The following CAMTA1 variants were observed in gnomAD, a reference collection of about 807,000 sequenced individuals.
CAMTA1 encodes the protein calmodulin binding transcription activator 1.
In CAMTA1, 27 loss-of-function variants were observed where a neutral mutation model predicts 170.9. The observed-to-expected ratio is 0.16, with a 90% CI of 0.12 to 0.22. CAMTA1 has a LOEUF of 0.22. Among genes scored for constraint, CAMTA1 ranks in the 10% least tolerant of loss-of-function variants. The pLI is 1.00. For synonymous variants in CAMTA1, 833 were observed against 891.5 expected, an observed-to-expected ratio of 0.93 and a Z score of 1.17; for missense variants, 1,619 against 2,217.2, an observed-to-expected ratio of 0.73 and a Z score of 5.42.
chr1:7,410,063 A>G (rs1033795663), intron 5 of CAMTA1, among the ~76,000 whole-genome samples: 1 of 152,226 alleles, frequency 6.6e-6, no homozygotes, highest in African/African-American at 2.4e-5. Flanking sequence ...TCAAAGAGCA[A>G]AGGATGTGGC....
At chr1:7,587,298 C>T (rs1208904330) in intron 6 of CAMTA1, among the ~76,000 whole-genome samples, 1 of 151,970 alleles carries the variant, frequency 6.6e-6, no homozygotes, top group Non-Finnish European at 1.5e-5. Flanking sequence ...GACAGATACC[C>T]CCACCCTAGA....
chr1:7,321,996 G>C (rs921046905), intron 5 of CAMTA1, among the ~76,000 whole-genome samples: 5 of 152,182 alleles, frequency 3.3e-5, no homozygotes, highest in African/African-American at 1.2e-4. Flanking sequence ...CTGTTTTCTA[G>C]AGCAGGGGTT....
chr1:7,639,869 T>C (rs1315297140), intron 6 of CAMTA1, among the ~76,000 whole-genome samples: 1 of 152,070 alleles, frequency 6.6e-6, no homozygotes, highest in Non-Finnish European at 1.5e-5. Context: ...GGAGGAGCCT[T>C]AAGCCCTGGG....
chr1:6,882,361 G>T (rs1206214944), intron 3 of CAMTA1, among the ~76,000 whole-genome samples: 1 of 152,212 alleles, frequency 6.6e-6, no homozygotes, highest in African/African-American at 2.4e-5. Flanking sequence ...CCTGGTTTGG[G>T]ATAGAAGTAG....
chr1:7,465,684 G>A (rs1410561984), intron 5 of CAMTA1, among the ~76,000 whole-genome samples: 1 of 152,178 alleles, frequency 6.6e-6, no homozygotes, highest in Admixed American at 6.5e-5. Flanking sequence ...GGCCAGAGAG[G>A]TGTTAGGAGG....
At chr1:7,655,631 C>T (rs1322951586) in intron 7 of CAMTA1, among the ~76,000 whole-genome samples, 1 of 76,454 alleles carries the variant, frequency 1.3e-5, no homozygotes. Context: ...CCTATACACA[C>T]ACCTATACAC....
chr1:7,605,403 C>G (rs1376185429), intron 6 of CAMTA1, among the ~76,000 whole-genome samples: 1 of 152,246 alleles, frequency 6.6e-6, no homozygotes, highest in Non-Finnish European at 1.5e-5. Context: ...CTCCCCAAGC[C>G]TCGCTGCTGC....
At chr1:7,145,773 T>A (rs947342100) in intron 4 of CAMTA1, among the ~76,000 whole-genome samples, 3 of 152,226 alleles carry the variant, frequency 2.0e-5, no homozygotes, top group Non-Finnish European at 2.9e-5. Context: ...GCACAGTGCC[T>A]GTGGCTTCTA....
chr1:6,836,260 A>G (rs189609454), intron 3 of CAMTA1, among the ~76,000 whole-genome samples: 1 of 152,272 alleles, frequency 6.6e-6, no homozygotes. Context: ...GCAAGTGAAG[A>G]AACAACAAAA....
chr1:7,249,743 G>T lies in CAMTA1; in HGVS notation c.438+117G>T. The T allele has an allele frequency of 8.1e-7, 1 of 1,230,458 alleles. No individual in the cohort carries two copies. Among genetic ancestry groups the T allele is most frequent in the Non-Finnish European group, 1.1e-6 (1 of 900,764 alleles). The allele number at this position is 1,230,458 out of a possible 1,614,324, so 76.2% of individuals were successfully genotyped here. ...ACCTCTGTCCAAAGAATTTTTGTTT[G>T]CCAAGACCCTGGTTTTTGCTTTTGT... On this transcript the variant is annotated intron_variant, in intron 5 of 22. Coordinates refer to ENST00000303635, the MANE Select transcript of CAMTA1 (RefSeq NM_015215.4). This position sits in a 1 kb window ranked among gnomAD's most constrained non-coding sequence, Gnocchi z 4.4.
chr1:7,622,939 C>G lies in CAMTA1; in HGVS notation c.511-17461C>G, dbSNP rs555156292. Among the ~76,000 whole-genome samples the G allele has an allele frequency of 4.6e-5, 7 of 152,342 alleles. 1 individual carries two copies. In the East Asian group the frequency reaches 1.4e-3, roughly 29 times the overall value. On this transcript the variant is annotated intron_variant, in intron 6 of 22. Coordinates refer to ENST00000303635, the MANE Select transcript of CAMTA1 (RefSeq NM_015215.4). ...CTGAATGCTCCCTGTGAGCCCGAGT[C>G]TGTCCTGAGGTCTTCGTCCCTATTC...
intron 3 of CAMTA1, among the ~76,000 whole-genome samples, chr1:6,960,885 GCCTTTATAACC>G (rs1038299785): frequency 2.0e-5 from 3 of 152,204 alleles, no homozygotes; most frequent in African/African-American, 7.2e-5. Context: ...AAAGGATTTA[GCCTTTATAACC>G]CCATGACATC....
chr1:7,726,697 C>T (rs1323641060), intron 11 of CAMTA1, among the ~76,000 whole-genome samples: 6 of 152,168 alleles, frequency 3.9e-5, no homozygotes, highest in East Asian at 1.9e-4. Flanking sequence ...AGAGTTCACT[C>T]GCTGCAGCAA....
chr1:7,371,488 G>T (rs2086464962), intron 5 of CAMTA1, among the ~76,000 whole-genome samples: 1 of 150,604 alleles, frequency 6.6e-6, no homozygotes, highest in Admixed American at 6.6e-5. Flanking sequence ...TCAAACTCCT[G>T]ACCTCAGGTG....
chr1:7,450,628 G>A (rs1575401599), intron 5 of CAMTA1, among the ~76,000 whole-genome samples: 1 of 152,364 alleles, frequency 6.6e-6, no homozygotes, highest in East Asian at 1.9e-4. Flanking sequence ...GTGCAGGTTA[G>A]CAGCACATTG....
intron 5 of CAMTA1, among the ~76,000 whole-genome samples, chr1:7,354,534 A>G (rs2084952694): frequency 6.6e-6 from 1 of 152,240 alleles, no homozygotes; most frequent in African/African-American, 2.4e-5. Flanking sequence ...GCTGCAATGA[A>G]CATGTGTCTT....
intron 1 of CAMTA1, among the ~76,000 whole-genome samples, chr1:6,795,030 C>A (rs1380488797): frequency 6.6e-6 from 1 of 151,784 alleles, no homozygotes; most frequent in African/African-American, 2.4e-5. Flanking sequence ...GGGTCATTTT[C>A]AGTGGAGGAC....
chr1:6,871,783 A>G (rs1364438272), intron 3 of CAMTA1: 1 of 1,534,608 alleles, frequency 6.5e-7, no homozygotes, highest in South Asian at 1.2e-5. Context: ...GTCCTTTTGG[A>G]TTTCTTTTTA....
Position 7,663,546 on chromosome 1 carries a change from C to T in CAMTA1, c.999C>T (p.Pro333=), listed in dbSNP as rs759601915. The change falls in exon 9 of 23, where the codon CCC becomes CCT. Residue 333 remains proline (P), a synonymous_variant. Transcript: ENST00000303635. ...REKRNGKVAK[P]VLLHQSSTEV... is the part of the protein sequence containing the mutation. ...AGAGGAACGGCAAGGTGGCCAAGCCCGTGCTCCTGCACCAGAGCAGCACCG... is the reference window on the plus strand; with the variant it reads ...AGAGGAACGGCAAGGTGGCCAAGCCTGTGCTCCTGCACCAGAGCAGCACCG... 13 of 1,607,246 alleles carry T rather than the reference C, an allele frequency of 8.1e-6. 1 individual carries two copies. Among genetic ancestry groups the T allele is most frequent in the East Asian group, 2.2e-5 (1 of 44,662 alleles).
Sources: gnomAD v4.1 joint callset for allele counts (sites outside exome capture counted in the v4.1 genomes callset) on GRCh38, gnomAD v4.1.1 for gene constraint, Gnocchi (gnomAD v3.1) non-coding constraint, MANE v1.5 for transcripts, NCBI Gene and HGNC (gene_info 2026-07-23, HGNC 2026-07-21) for gene names.